Variants in USP40 observed in about 807,000 individuals in gnomAD.
The protein encoded by USP40 is ubiquitin specific peptidase 40.
Under a neutral mutation model 166.2 loss-of-function variants are expected in USP40, and 143 were observed. The ratio of observed to expected loss-of-function variants is 0.86; its 90% confidence interval spans 0.75 to 0.99. USP40 has a LOEUF of 0.99. USP40 is among the 50% of genes least tolerant of loss of function. The pLI is 0.00. For synonymous variants in USP40, 498 were observed against 524.0 expected (o/e 0.95, Z 0.68); for missense variants, 1,444 against 1,479.7 (o/e 0.98, Z 0.40).
chr2:233,538,060 A>C (rs1203000483), intron 10 of USP40, among the ~76,000 whole-genome samples: 1 of 152,178 alleles, frequency 6.6e-6, no homozygotes, highest in Non-Finnish European at 1.5e-5. Flanking sequence ...AGCATCTTAC[A>C]GTATACATAA....
At chr2:233,559,957 T>A (rs1252682913) in intron 3 of USP40, 33 bp from the exon 4 acceptor site, 2 of 1,514,896 alleles carry the variant, frequency 1.3e-6, no homozygotes. Context: ...TCTAAATGAA[T>A]TCTTTAAGTG....
intron 8 of USP40, among the ~76,000 whole-genome samples, chr2:233,544,013 A>G (rs977644358): frequency 1.3e-5 from 2 of 152,210 alleles, no homozygotes; most frequent in Admixed American, 1.3e-4. Flanking sequence ...ATCAGGTGAC[A>G]GCACAGACTC....
chr2:233,475,971 G>GTGTT lies in USP40; in HGVS notation c.*1417_*1420dup, dbSNP rs1186861998. ...AGTGCGAGTCTCCTGAGCGGGGTTAGTGTTTGGGAGTGGGAGGCAGCTGCT... is the reference window on the plus strand; with the variant it reads ...AGTGCGAGTCTCCTGAGCGGGGTTAGTGTTTGTTTGGGAGTGGGAGGCAGCTGCT... On this transcript the variant is annotated 3_prime_UTR_variant, in exon 32 of 32. Coordinates refer to ENST00000678225, the MANE Select transcript of USP40 (RefSeq NM_001365479.2). 1.3e-5 allele frequency: 2 copies of GTGTT among 152,436 alleles called. No homozygotes were observed. The highest frequency in any genetic ancestry group is 4.8e-5 in the African/African-American group (2 of 41,466). 9.4% of individuals were successfully genotyped at this position (152,436 alleles called of 1,614,324 possible).
chr2:233,481,213 TC>T lies in USP40; in HGVS notation c.3588del (p.Arg1197GlufsTer51). The T allele has an allele frequency of 6.2e-7, 1 of 1,604,582 alleles. No homozygotes were observed. Reference protein sequence around the residue: ...GKEKQKQRALGRRKSQEALHE... With the variant: ...GKEKQKQRALXRRKSQEALHE... ...GACCCCAGCAATTACCTTTTCCTTC[TC>T]CCCAGGGCCCGTTGTTTCTGCTTTT... On this transcript the variant is annotated frameshift_variant, in exon 31 of 32. Transcript: ENST00000678225. LOFTEE classifies it low-confidence loss of function (END_TRUNC).
At chr2:233,524,235 T>A (rs1206221192) in intron 15 of USP40, among the ~76,000 whole-genome samples, 1 of 152,152 alleles carries the variant, frequency 6.6e-6, no homozygotes, top group Non-Finnish European at 1.5e-5. Flanking sequence ...GTTCAAGCGA[T>A]TCGCCTGCCT....
At chr2:233,504,096 A>G (rs542473500) in intron 21 of USP40, among the ~76,000 whole-genome samples, 3 of 152,242 alleles carry the variant, frequency 2.0e-5, no homozygotes, top group African/African-American at 7.2e-5. Context: ...ATAGTCTATT[A>G]TAAGTACAAG....
At chr2:233,513,717 C>T (rs150672609) in intron 18 of USP40, among the ~76,000 whole-genome samples, 22 of 152,246 alleles carry the variant, frequency 1.4e-4, no homozygotes, top group East Asian at 7.7e-4. Flanking sequence ...CTTATTAAAT[C>T]GGCCAGCATG....
chr2:233,485,289 A>T (rs1164006639), intron 30 of USP40, among the ~76,000 whole-genome samples: 2 of 152,176 alleles, frequency 1.3e-5, no homozygotes, highest in Non-Finnish European at 2.9e-5. Context: ...AGAATTTTCC[A>T]TGTATGGTCA....
In USP40 at chr2:233,485,979, T is replaced by C; in HGVS notation, c.3198-2A>G. On this transcript the variant is annotated splice_acceptor_variant, in intron 28 of 31. Transcript: ENST00000678225. LOFTEE classifies it high-confidence loss of function. Reference sequence around the variant, plus strand: ...GTCCTCAGCAGCACGTCCTGGGGGCTGTACCAGAAAACCGTCAAGCGCCAG... The same window carrying C: ...GTCCTCAGCAGCACGTCCTGGGGGCCGTACCAGAAAACCGTCAAGCGCCAG... 3 of 1,567,092 alleles carry C rather than the reference T, an allele frequency of 1.9e-6. No individual in the cohort carries two copies. The highest frequency in any genetic ancestry group is 1.2e-5 in the South Asian group (1 of 83,566).
In USP40 at chr2:233,485,605, T is replaced by C; in HGVS notation, c.3430A>G (p.Lys1144Glu). 6.2e-7 allele frequency: 1 copy of C among 1,613,766 alleles called. No individual in the cohort carries two copies. The highest frequency in any genetic ancestry group is 8.5e-7 in the Non-Finnish European group (1 of 1,179,762). ...SSWNQQITKR[K>E]KKKKQDYLQG... ...AAATAATCTTGTTTTTTTTTCTTTT[T>C]CCTCTTGGTTATTTGTTGGTTCTAT... is the stretch of plus-strand genomic sequence containing the variant. The change falls in exon 30 of 32, where the codon AAA becomes GAA. Residue 1144 changes from lysine (K) to glutamate (E), a missense_variant. Coordinates refer to ENST00000678225, the MANE Select transcript of USP40 (RefSeq NM_001365479.2).
intron 7 of USP40, among the ~76,000 whole-genome samples, chr2:233,550,083 C>G (rs2070415110): frequency 6.6e-6 from 1 of 152,096 alleles, no homozygotes; most frequent in Non-Finnish European, 1.5e-5. Flanking sequence ...CGTCTAAACT[C>G]AAGTCAGTGC....
intron 1 of USP40, among the ~76,000 whole-genome samples, chr2:233,566,228 A>G (rs73996138): frequency 6.6e-6 from 1 of 152,048 alleles, no homozygotes; most frequent in African/African-American, 2.4e-5. Context: ...GCCTTCCAGT[A>G]TGTATCCACT....
intron 19 of USP40, 109 bp from the exon 20 acceptor site, chr2:233,511,906 GA>G: frequency 1.1e-6 from 1 of 891,682 alleles, no homozygotes; most frequent in Non-Finnish European, 1.7e-6. Context: ...CAAGAAAGAA[GA>G]AAAATGAGTT....
intron 21 of USP40, among the ~76,000 whole-genome samples, chr2:233,501,577 G>A (rs1365450989): frequency 1.3e-5 from 2 of 152,202 alleles, no homozygotes; most frequent in African/African-American, 2.4e-5. Context: ...GTTTGACAGG[G>A]TGGTAGTAAT....
chr2:233,544,504 C>T lies in USP40; in HGVS notation c.967-2141G>A, dbSNP rs944182432. On this transcript the variant is annotated intron_variant, in intron 8 of 31. Coordinates refer to ENST00000678225, the MANE Select transcript of USP40 (RefSeq NM_001365479.2). The stretch of plus-strand genomic sequence containing the variant: ...AAGCAGGGCTGAAAGTTTCAACCCT[C>T]TAATAATGGGACTGGCTTCTCTGGC... Among the ~76,000 whole-genome samples the T allele has an allele frequency of 6.0e-4, 92 of 152,294 alleles. 1 individual carries two copies. The highest frequency in any genetic ancestry group is 2.1e-3 in the African/African-American group (89 of 41,566).
At chr2:233,510,389 TTTC>T (rs2066725746) in intron 20 of USP40, among the ~76,000 whole-genome samples, 6 of 134,850 alleles carry the variant, frequency 4.4e-5, no homozygotes, top group Non-Finnish European at 6.3e-5. Context: ...CTTCTTTTTC[TTTC>T]TTTTTTTTTT....
At chr2:233,508,993 G>C (rs1233792417) in intron 21 of USP40, among the ~76,000 whole-genome samples, 1 of 152,154 alleles carries the variant, frequency 6.6e-6, no homozygotes, top group Non-Finnish European at 1.5e-5. Flanking sequence ...ACTGCTTTCT[G>C]TGATGGTAAG....
chr2:233,550,132 G>A (rs2070419866), intron 7 of USP40, among the ~76,000 whole-genome samples: 1 of 152,118 alleles, frequency 6.6e-6, no homozygotes, highest in Non-Finnish European at 1.5e-5. Flanking sequence ...GTGGCCGCTT[G>A]ATGGGTGTCA....
chr2:233,486,796 G>A lies in USP40; in HGVS notation c.3198-819C>T, dbSNP rs544318844. On this transcript the variant is annotated intron_variant, in intron 28 of 31. Transcript: ENST00000678225. This position sits in a 1 kb window ranked among gnomAD's most constrained non-coding sequence, Gnocchi z 4.0. ...AGTGCAGAGTGCAAGAGCAGAGGCT[G>A]CACAGCCCCATGTCCCCATGGGGGA... Among the ~76,000 whole-genome samples the A allele has an allele frequency of 6.6e-6, 1 of 152,366 alleles. No individual in the cohort carries two copies. Among genetic ancestry groups the A allele is most frequent in the African/African-American group, 2.4e-5 (1 of 41,590 alleles).
Sources: gnomAD v4.1 joint callset for allele counts (sites outside exome capture counted in the v4.1 genomes callset) on GRCh38, gnomAD v4.1.1 for gene constraint, Gnocchi (gnomAD v3.1) non-coding constraint, MANE v1.5 for transcripts, NCBI Gene and HGNC (gene_info 2026-07-23, HGNC 2026-07-21) for gene names.